Variants in PPP3CC observed in about 807,000 individuals in gnomAD.
PPP3CC encodes serine/threonine-protein phosphatase 2B catalytic subunit gamma isoform.
Under a neutral mutation model 60.3 loss-of-function variants are expected in PPP3CC, and 35 were observed. The ratio of observed to expected loss-of-function variants is 0.58; its 90% confidence interval spans 0.44 to 0.77. PPP3CC has a LOEUF of 0.77. PPP3CC is among the 30% of genes least tolerant of loss of function. The pLI is 0.00. For missense variants in PPP3CC, 570 were observed against 628.9 expected (o/e 0.91, Z 1.00); for synonymous variants, 206 against 224.3 (o/e 0.92, Z 0.73).
In PPP3CC at chr8:22,532,325, A is replaced by T. The variant is rs190541031; in HGVS notation, c.1223+19A>T. ...TTCTTCGGTAAGGATGTCTGTCATT[A>T]CAGTGCGGATTAAAGGCATTTTGAG... On this transcript the variant is annotated intron_variant, in intron 11 of 13. Coordinates refer to ENST00000240139, the MANE Select transcript of PPP3CC (RefSeq NM_005605.5). The T allele has an allele frequency of 1.3e-6, 2 of 1,587,552 alleles. No homozygotes were observed. The highest frequency in any genetic ancestry group is 2.7e-5 in the African/African-American group (2 of 74,400).
chr8:22,463,195 T>C (rs899236342), intron 1 of PPP3CC, among the ~76,000 whole-genome samples: 1 of 152,200 alleles, frequency 6.6e-6, no homozygotes, highest in African/African-American at 2.4e-5. Flanking sequence ...CATCAGTGGC[T>C]TCTGGCATCT....
intron 12 of PPP3CC, among the ~76,000 whole-genome samples, chr8:22,535,309 G>T (rs553048435): frequency 1.3e-5 from 2 of 152,230 alleles, no homozygotes; most frequent in African/African-American, 4.8e-5. Context: ...GTTGATGTTC[G>T]TGAGAATAAA....
chr8:22,517,283 A>G (rs1480738470), intron 6 of PPP3CC, among the ~76,000 whole-genome samples: 1 of 152,174 alleles, frequency 6.6e-6, no homozygotes, highest in Non-Finnish European at 1.5e-5. Context: ...TGTTTTATGG[A>G]GGATTTAAAA....
chr8:22,481,651 G>T lies in PPP3CC; in HGVS notation c.372+6027G>T, dbSNP rs10090101. Among the ~76,000 whole-genome samples, 1,281 of 151,620 alleles carry T rather than the reference G, an allele frequency of 8.4e-3. 18 individuals carry two copies. The highest frequency in any genetic ancestry group is 0.03 in the African/African-American group (1,225 of 41,276). ...GGTGGTTTGCTGCATCCATCAACCT[G>T]TCATCTACATTAGGTACTTCTCCTA... On this transcript the variant is annotated intron_variant, in intron 3 of 13. Transcript: ENST00000240139.
At chr8:22,465,673 A>T (rs1252275597) in intron 1 of PPP3CC, among the ~76,000 whole-genome samples, 1 of 152,130 alleles carries the variant, frequency 6.6e-6, no homozygotes, top group East Asian at 1.9e-4. Context: ...CTCAATCTTG[A>T]ACTTCTTAGC....
chr8:22,511,287 T>G, intron 5 of PPP3CC, 56 bp downstream of exon 5: 1 of 1,543,622 alleles, frequency 6.5e-7, no homozygotes, highest in Non-Finnish European at 8.9e-7. Flanking sequence ...GTTGGGTTTT[T>G]TTGTTGTTGT....
chr8:22,514,120 G>A (rs993188893), intron 6 of PPP3CC, among the ~76,000 whole-genome samples: 1 of 151,954 alleles, frequency 6.6e-6, no homozygotes, highest in African/African-American at 2.4e-5. Context: ...GTGGCAACAC[G>A]CCTGTAATCC....
At position 22,441,151 on chromosome 8, in the gene PPP3CC, T is replaced by TGCCGAA; in HGVS notation, c.-256_-251dup. Reference sequence around the variant, plus strand: ...CACCCTTAGCAGCGGTCGCGGTCGGTGCCGAAGCGGTGTTCCCCGCCTTAG... The same window carrying TGCCGAA: ...CACCCTTAGCAGCGGTCGCGGTCGGTGCCGAAGCCGAAGCGGTGTTCCCCGCCTTAG... On this transcript the variant is annotated 5_prime_UTR_variant, in exon 1 of 14. Coordinates refer to ENST00000240139, the MANE Select transcript of PPP3CC (RefSeq NM_005605.5). 1 of 362,624 alleles carries TGCCGAA rather than the reference T, an allele frequency of 2.8e-6. No homozygotes were observed. Among genetic ancestry groups the TGCCGAA allele is most frequent in the Non-Finnish European group, 4.9e-6 (1 of 202,176 alleles). 22.5% of individuals were successfully genotyped at this position (362,624 alleles called of 1,614,324 possible). A position where few individuals can be genotyped will look rare whatever the true frequency, so the allele number is the denominator to read the frequency against.
chr8:22,500,606 G>C (rs180997938), intron 4 of PPP3CC, among the ~76,000 whole-genome samples: 78 of 152,174 alleles, frequency 5.1e-4, no homozygotes, highest in Admixed American at 3.3e-3. Context: ...ATGAATTCTT[G>C]CTACCAGTAT....
intron 3 of PPP3CC, chr8:22,492,781 T>G: frequency 9.9e-7 from 1 of 1,006,204 alleles, no homozygotes; most frequent in Non-Finnish European, 1.6e-6. Context: ...AGGTAAACAA[T>G]GTCTCTGGTA....
At chr8:22,479,462 T>G (rs1837996312) in intron 3 of PPP3CC, among the ~76,000 whole-genome samples, 2 of 152,154 alleles carry the variant, frequency 1.3e-5, no homozygotes, top group African/African-American at 4.8e-5. Flanking sequence ...TCTGTATTGT[T>G]TTCTCCAGAA....
intron 4 of PPP3CC, among the ~76,000 whole-genome samples, chr8:22,504,627 GT>G (rs1056959074): frequency 4.6e-5 from 7 of 152,074 alleles, no homozygotes; most frequent in Non-Finnish European, 1.0e-4. Context: ...CATATCATTT[GT>G]TTTTGCAAAA....
At chr8:22,447,265 T>G (rs953303327) in intron 1 of PPP3CC, among the ~76,000 whole-genome samples, 2 of 149,620 alleles carry the variant, frequency 1.3e-5, no homozygotes, top group Non-Finnish European at 3.0e-5. Flanking sequence ...CTGCAAGCTC[T>G]GCCTCCCGGG....
At chr8:22,462,007 G>C (rs1837376211) in intron 1 of PPP3CC, among the ~76,000 whole-genome samples, 1 of 152,120 alleles carries the variant, frequency 6.6e-6, no homozygotes, top group Non-Finnish European at 1.5e-5. Flanking sequence ...GTCTAGGATG[G>C]GAGGATCGCA....
intron 10 of PPP3CC, chr8:22,531,301 G>GATCAT: frequency 6.5e-7 from 1 of 1,531,180 alleles, no homozygotes; most frequent in African/African-American, 1.4e-5. Context: ...TCTCCCTGAA[G>GATCAT]ATCACTACAT....
Position 22,528,553 on chromosome 8 carries a change from C to T in PPP3CC, c.1117C>T (p.Leu373=), listed in dbSNP as rs745768766. ...NVLNICSDDE[L]ISDDEAEGST... ...GCTCAACATATGCTCTGATGACGAA[C>T]TGATTTCTGATGATGAAGCAGAAGG... is the stretch of plus-strand genomic sequence containing the variant. The change falls in exon 10 of 14, where the codon CTG becomes TTG. Residue 373 remains leucine, a synonymous_variant. Transcript: ENST00000240139. The T allele has an allele frequency of 4.5e-6, 7 of 1,559,454 alleles. No homozygotes were observed. The highest frequency in any genetic ancestry group is 6.1e-6 in the Non-Finnish European group (7 of 1,148,292).
chr8:22,531,001 C>A (rs908676032), intron 10 of PPP3CC, among the ~76,000 whole-genome samples: 1 of 152,006 alleles, frequency 6.6e-6, no homozygotes, highest in African/African-American at 2.4e-5. Context: ...CAAATAATAT[C>A]TTTGTTTAAT....
chr8:22,532,378 GT>G, intron 11 of PPP3CC, 72 bp downstream of exon 11: 2 of 1,322,290 alleles, frequency 1.5e-6, no homozygotes, highest in Non-Finnish European at 2.2e-6. Context: ...ATTCAGAACA[GT>G]TTTTTTATAA....
At chr8:22,516,258 C>G (rs1426498695) in intron 6 of PPP3CC, among the ~76,000 whole-genome samples, 1 of 152,156 alleles carries the variant, frequency 6.6e-6, no homozygotes, top group East Asian at 1.9e-4. Context: ...TTCATTCCTC[C>G]ATGCCAACTT....
Sources: gnomAD v4.1 joint callset for allele counts (sites outside exome capture counted in the v4.1 genomes callset) on GRCh38, gnomAD v4.1.1 for gene constraint, MANE v1.5 for transcripts, NCBI Gene and HGNC (gene_info 2026-07-23, HGNC 2026-07-21) for gene names.